The following MRO variants were observed in gnomAD, a reference collection of about 807,000 sequenced individuals.
The protein encoded by MRO is protein maestro.
In MRO, 28 loss-of-function variants were observed where a neutral mutation model predicts 31.0. The observed-to-expected ratio is 0.90, with a 90% confidence interval of 0.67 to 1.24. The LOEUF is 1.24. Among genes scored for constraint, MRO ranks in the 50% most tolerant of loss-of-function variants. The probability of loss-of-function intolerance (pLI) is 0.00; values close to 1 mark genes in which losing one functional copy is unlikely to be tolerated. For synonymous variants in MRO, 108 were observed against 108.4 expected (o/e 1.00, Z 0.02); for missense variants, 332 against 289.2 (o/e 1.15, Z -1.07).
chr18:50,807,258 A>ATTTTT, intron 3 of MRO, among the ~76,000 whole-genome samples: 1 of 152,104 alleles, frequency 6.6e-6, no homozygotes, highest in African/African-American at 2.4e-5. Flanking sequence ...GCTCTTTCCC[A>ATTTTT]TTTTTCTGCT....
Position 50,800,115 on chromosome 18 carries a change from G to C in MRO, c.614C>G (p.Ser205Cys). ...KACKTTFQACSPYLKLKEEYS... is the reference protein window; with the variant it reads ...KACKTTFQACCPYLKLKEEYS... ...TTCCTCCTTTAGTTTCAGATATGGA[G>C]AACAGGCTTGAAATGTTGTTTTGCA... Residue 205 changes from serine to cysteine, a missense_variant, in exon 7 of 8, where the codon TCT (serine) becomes TGT (cysteine). Transcript: ENST00000398439. The C allele has an allele frequency of 6.2e-7, 1 of 1,613,188 alleles. No homozygotes were observed. The highest frequency in any genetic ancestry group is 1.3e-5 in the African/African-American group (1 of 75,038).
At chr18:50,805,514 C>T (rs1209282624) in intron 4 of MRO, among the ~76,000 whole-genome samples, 178 bp from the exon 5 acceptor site, 1 of 152,070 alleles carries the variant, frequency 6.6e-6, no homozygotes, top group African/African-American at 2.4e-5. Flanking sequence ...AACCCAAGAG[C>T]CCAACTCAGC....
At chr18:50,819,033 A>G (rs974406340) in intron 2 of MRO, among the ~76,000 whole-genome samples, 5 of 152,018 alleles carry the variant, frequency 3.3e-5, no homozygotes, top group African/African-American at 1.2e-4. Context: ...AGCTTGGGCA[A>G]CACAACAAGA....
rs1458432037 is a variant in MRO at position 50,798,709 on chromosome 18, T to A, written c.*628A>T. 1 of 152,274 alleles carries A rather than the reference T, an allele frequency of 6.6e-6. No individual in the cohort carries two copies. Among genetic ancestry groups the A allele is most frequent in the African/African-American group, 2.4e-5 (1 of 41,456 alleles). The allele number at this position is 152,274 out of a possible 1,614,324, so 9.4% of individuals were successfully genotyped here. A position where few individuals can be genotyped will look rare whatever the true frequency, so the allele number is the denominator to read the frequency against. On this transcript the variant is annotated 3_prime_UTR_variant, in exon 8 of 8. Coordinates refer to ENST00000398439, the MANE Select transcript of MRO (RefSeq NM_031939.6). ...GTTATCCCGTAAGTTATCATGAGCC[T>A]GAGGATTTTCAACACATGCTTTATA...
intron 2 of MRO, 137 bp from the exon 3 acceptor site, chr18:50,809,541 G>T: frequency 1.8e-6 from 1 of 547,126 alleles, no homozygotes. Flanking sequence ...ACCTTCCACT[G>T]TGGTGAGATA....
Position 50,805,460 on chromosome 18 carries a change from G to C in MRO, c.247-124C>G, listed in dbSNP as rs181063011. 1.3e-5 allele frequency: 9 copies of C among 719,774 alleles called. No individual in the cohort carries two copies. In the African/African-American group the frequency reaches 1.4e-4, roughly 11 times the overall value. The allele number at this position is 719,774 out of a possible 1,614,324, so 44.6% of individuals were successfully genotyped here. A position where few individuals can be genotyped will look rare whatever the true frequency, so the allele number is the denominator to read the frequency against. The stretch of plus-strand genomic sequence containing the variant: ...ACTAACACACCAGGGCTTTTTTCAA[G>C]ATCTGCACAACTCTCATTAAAATAC... On this transcript the variant is annotated intron_variant, in intron 4 of 7. Coordinates refer to ENST00000398439, the MANE Select transcript of MRO (RefSeq NM_031939.6).
Position 50,799,380 on chromosome 18 carries a change from T to C in MRO, c.704A>G (p.His235Arg). The C allele has an allele frequency of 1.2e-6, 2 of 1,614,074 alleles. No homozygotes were observed. The highest frequency in any genetic ancestry group is 1.1e-5 in the South Asian group (1 of 91,086). Residue 235 changes from histidine (H) to arginine (R), a missense_variant, in exon 8 of 8, where the codon CAT becomes CGT. Physicochemically the swap from His to Arg is conservative, Grantham distance 29. Transcript: ENST00000398439. ...GTAGAAGAACTGCAGGATCTCTGGA[T>C]GATAGTGGCTCTGAAAGAAATTAGC... Reference protein sequence around the residue: ...TKLYQQLSHYHPEILQFFYAN... With the variant: ...TKLYQQLSHYRPEILQFFYAN...
intron 2 of MRO, among the ~76,000 whole-genome samples, chr18:50,813,499 C>T (rs1384382140): frequency 6.6e-6 from 1 of 152,180 alleles, no homozygotes; most frequent in East Asian, 1.9e-4. Flanking sequence ...GGCCTAGGCC[C>T]CAGAGTTTCT....
intron 2 of MRO, among the ~76,000 whole-genome samples, chr18:50,818,789 T>G (rs1462561865): frequency 2.6e-5 from 4 of 152,164 alleles, no homozygotes; most frequent in African/African-American, 9.7e-5. Flanking sequence ...TGGTGGCTCA[T>G]GCCTATAAAT....
rs1913811721 is a variant in MRO at position 50,805,289 on chromosome 18, C to T, written c.294G>A (p.Leu98=). The change falls in exon 5 of 8, where the codon CTG becomes CTA. Residue 98 remains leucine, a synonymous_variant. Transcript: ENST00000398439. ...KIVLDLLVYG[L]YDPVNLEVIH... ...TGACTTCCAAATTCACAGGGTCATA[C>T]AGTCCATACACCAGCAGGTCGAGGA... The T allele has an allele frequency of 1.2e-6, 2 of 1,614,130 alleles. No individual in the cohort carries two copies. Among genetic ancestry groups the T allele is most frequent in the Middle Eastern group, 1.6e-4 (1 of 6,062 alleles).
chr18:50,822,363 G>C (rs1015632731), upstream of MRO, among the ~76,000 whole-genome samples: 1 of 86,922 alleles, frequency 1.2e-5, no homozygotes, highest in Admixed American at 1.1e-4. Context: ...TTTTGAGACA[G>C]GGTCTCACTC....
chr18:50,810,365 T>C (rs1914372091), intron 2 of MRO, among the ~76,000 whole-genome samples: 1 of 152,246 alleles, frequency 6.6e-6, no homozygotes, highest in South Asian at 2.1e-4. Context: ...ATCTCCACGA[T>C]ATACTGTTGA....
In MRO at chr18:50,819,625, T is replaced by C; in HGVS notation, c.-49A>G. 6.4e-7 allele frequency: 1 copy of C among 1,551,624 alleles called. No homozygotes were observed. The highest frequency in any genetic ancestry group is 8.7e-7 in the Non-Finnish European group (1 of 1,146,986). The stretch of plus-strand genomic sequence containing the variant: ...CTGCCACGTGATGAACCGGAGCCCG[T>C]TCCTGACTCGGGAGGGCTGCTTTCC... On this transcript the variant is annotated 5_prime_UTR_variant, in exon 2 of 8. Coordinates refer to ENST00000398439, the MANE Select transcript of MRO (RefSeq NM_031939.6).
In MRO at chr18:50,800,099, T is replaced by C. The variant is rs750160586; in HGVS notation, c.630A>G (p.Leu210=). The C allele has an allele frequency of 1.2e-6, 2 of 1,613,786 alleles. No individual in the cohort carries two copies. The highest frequency in any genetic ancestry group is 8.5e-7 in the Non-Finnish European group (1 of 1,179,764). ...TFQACSPYLK[L]KEEYSFQSEE... Reference sequence around the variant, plus strand: ...CACTCTGGAAGCTGTATTCCTCCTTTAGTTTCAGATATGGAGAACAGGCTT... The same window carrying C: ...CACTCTGGAAGCTGTATTCCTCCTTCAGTTTCAGATATGGAGAACAGGCTT... Residue 210 remains leucine (L), a synonymous_variant, in exon 7 of 8, where the codon CTA becomes CTG. Coordinates refer to ENST00000398439, the MANE Select transcript of MRO (RefSeq NM_031939.6).
At chr18:50,805,381 C>T in intron 4 of MRO, 45 bp from the exon 5 acceptor site, 1 of 1,542,718 alleles carries the variant, frequency 6.5e-7, no homozygotes, top group South Asian at 1.2e-5. Flanking sequence ...GGAACTGCTC[C>T]CCATAGGTTG....
At chr18:50,807,046 A>G (rs896123510) in intron 3 of MRO, among the ~76,000 whole-genome samples, 196 bp from the exon 4 acceptor site, 11 of 152,160 alleles carry the variant, frequency 7.2e-5, no homozygotes, top group African/African-American at 2.7e-4. Flanking sequence ...ATGGAGAAAG[A>G]GGGCAATAAA....
chr18:50,812,619 T>C (rs1023607742), intron 2 of MRO, among the ~76,000 whole-genome samples: 23 of 152,244 alleles, frequency 1.5e-4, no homozygotes, highest in African/African-American at 4.6e-4. Context: ...CCCTATATGT[T>C]CTTTTAAGCG....
chr18:50,804,430 A>T (rs1315259046), intron 5 of MRO, among the ~76,000 whole-genome samples: 1 of 152,178 alleles, frequency 6.6e-6, no homozygotes, highest in Non-Finnish European at 1.5e-5. Flanking sequence ...GTTTGAGACT[A>T]GCCTGGGCAA....
chr18:50,803,540 A>C (rs111754830), intron 5 of MRO, among the ~76,000 whole-genome samples: 72 of 152,056 alleles, frequency 4.7e-4, no homozygotes, highest in African/African-American at 1.6e-3. Flanking sequence ...AATGACAAAC[A>C]AGTCCTCGAA....
Sources: allele counts gnomAD v4.1 joint callset (sites outside exome capture counted in the v4.1 genomes callset), GRCh38; gene constraint gnomAD v4.1.1; transcripts MANE v1.5; gene names NCBI Gene and HGNC (gene_info 2026-07-23, HGNC 2026-07-21).